LHFPL3: variants seen among roughly 807,000 people sequenced by gnomAD.
LHFPL3 encodes LHFPL tetraspan subfamily member 3 protein.
LHFPL3 carries 5 observed loss-of-function variants against 19.3 expected under a neutral mutation model. The ratio of observed to expected loss-of-function variants is 0.26; its 90% CI spans 0.14 to 0.54. The LOEUF (loss-of-function observed/expected upper bound fraction) is 0.54. Among genes scored for constraint, LHFPL3 ranks in the 20% least tolerant of loss-of-function variants. The pLI, the probability that LHFPL3 is intolerant of heterozygous loss-of-function variation, is 0.94. For missense variants in LHFPL3, 249 were observed against 307.4 expected (o/e 0.81, Z 1.42); for synonymous variants, 133 against 126.2 (o/e 1.05, Z -0.36).
chr7:104,862,756 C>T (rs1271547924), intron 2 of LHFPL3, among the ~76,000 whole-genome samples: 1 of 152,126 alleles, frequency 6.6e-6, no homozygotes, highest in African/African-American at 2.4e-5. Context: ...GAGCTTTATC[C>T]ACACCTCTCC....
intron 1 of LHFPL3, among the ~76,000 whole-genome samples, chr7:104,730,313 T>C (rs1793675985): frequency 6.6e-6 from 1 of 152,226 alleles, no homozygotes; most frequent in Admixed American, 6.5e-5. Flanking sequence ...CCCTGAGGAA[T>C]TGCCACACTG....
chr7:104,586,719 C>T (rs1388444701), intron 1 of LHFPL3, among the ~76,000 whole-genome samples: 1 of 152,132 alleles, frequency 6.6e-6, no homozygotes, highest in East Asian at 1.9e-4. Flanking sequence ...AAGGCAGCCA[C>T]AACAGATGGT....
intron 1 of LHFPL3, among the ~76,000 whole-genome samples, chr7:104,599,597 G>C (rs1331151888): frequency 6.6e-6 from 1 of 152,004 alleles, no homozygotes; most frequent in Non-Finnish European, 1.5e-5. Flanking sequence ...ATATTGCCAG[G>C]GATACACATA....
At position 104,700,331 on chromosome 7, in the gene LHFPL3, G is replaced by A. The variant is rs1793078917; in HGVS notation, c.446-36344G>A. Among the ~76,000 whole-genome samples, 3 of 152,058 alleles carry A rather than the reference G, an allele frequency of 2.0e-5. No individual in the cohort carries two copies. In the South Asian group the frequency reaches 6.2e-4, roughly 32 times the overall value. On this transcript the variant is annotated intron_variant, in intron 1 of 2. Coordinates refer to ENST00000424859, the MANE Select transcript of LHFPL3 (RefSeq NM_199000.3). ...TTCCTTAACGTCTCCACTCACCCAC[G>A]CCCCAAGGTCAAGAGCCAGATTAGT...
chr7:104,543,767 GGGT>G (rs1319345327), intron 1 of LHFPL3, among the ~76,000 whole-genome samples: 1 of 107,964 alleles, frequency 9.3e-6, no homozygotes, highest in Non-Finnish European at 1.8e-5. Context: ...GTCTGTTGTG[GGGT>G]GGGGGGAGGG....
At chr7:104,727,468 T>G (rs1420833955) in intron 1 of LHFPL3, among the ~76,000 whole-genome samples, 1 of 152,212 alleles carries the variant, frequency 6.6e-6, no homozygotes, top group African/African-American at 2.4e-5. Flanking sequence ...GTTTTACATT[T>G]AAGGTGGACC....
chr7:104,780,164 G>A (rs915424946), intron 2 of LHFPL3, among the ~76,000 whole-genome samples: 1 of 152,136 alleles, frequency 6.6e-6, no homozygotes, highest in African/African-American at 2.4e-5. Context: ...CAAGGATAGG[G>A]CCCCACCCCA....
chr7:104,486,879 T>C (rs1052567759), intron 1 of LHFPL3, among the ~76,000 whole-genome samples: 3 of 152,320 alleles, frequency 2.0e-5, no homozygotes, highest in Non-Finnish European at 4.4e-5. Context: ...GCTATAAATA[T>C]GTCTATGAAT....
At chr7:104,477,706 T>A (rs1793050284) in intron 1 of LHFPL3, among the ~76,000 whole-genome samples, 1 of 151,856 alleles carries the variant, frequency 6.6e-6, no homozygotes, top group African/African-American at 2.4e-5. Flanking sequence ...ATGACACAAG[T>A]TTACCTATGT....
At chr7:104,398,776 C>CT (rs1331361765) in intron 1 of LHFPL3, among the ~76,000 whole-genome samples, 1 of 152,162 alleles carries the variant, frequency 6.6e-6, no homozygotes, top group Non-Finnish European at 1.5e-5. Context: ...GTTTTGCACT[C>CT]TCACTCTTCT....
At chr7:104,395,771 C>T (rs1172046125) in intron 1 of LHFPL3, among the ~76,000 whole-genome samples, 1 of 152,176 alleles carries the variant, frequency 6.6e-6, no homozygotes, top group Non-Finnish European at 1.5e-5. Flanking sequence ...CAGGTAATTT[C>T]ATATAAAGGA....
rs17139166 is a variant in LHFPL3 at position 104,613,217 on chromosome 7, T to C, written c.446-123458T>C. Among the ~76,000 whole-genome samples, 624 of 152,328 alleles carry C rather than the reference T, an allele frequency of 4.1e-3. 35 individuals are homozygous for C. In the East Asian group the frequency reaches 0.1, roughly 24 times the overall value. The stretch of plus-strand genomic sequence containing the variant: ...GGTAGCATGTTGCAAAATAACATCC[T>C]GGCCATTTAAAAGGAGTCAGTTCTA... On this transcript the variant is annotated intron_variant, in intron 1 of 2. Coordinates refer to ENST00000424859, the MANE Select transcript of LHFPL3 (RefSeq NM_199000.3).
chr7:104,772,971 A>C (rs1311155206), intron 2 of LHFPL3, among the ~76,000 whole-genome samples: 1 of 152,284 alleles, frequency 6.6e-6, no homozygotes, highest in Non-Finnish European at 1.5e-5. Flanking sequence ...GCTTGCTGAC[A>C]GCAACACAAA....
At chr7:104,420,165 G>C (rs1281163898) in intron 1 of LHFPL3, among the ~76,000 whole-genome samples, 29 of 152,166 alleles carry the variant, frequency 1.9e-4, no homozygotes, top group Non-Finnish European at 4.4e-5. Flanking sequence ...GCACTTTTCT[G>C]GGTCTTCTTC....
rs78775772 is a variant in LHFPL3 at position 104,661,115 on chromosome 7, T to C, written c.446-75560T>C. ...AGGAAGGCTTAGGGATGCAGTGCAG[T>C]GATGGTCCATGACATCTCTGGACCC... On this transcript the variant is annotated intron_variant, in intron 1 of 2. Coordinates refer to ENST00000424859, the MANE Select transcript of LHFPL3 (RefSeq NM_199000.3). Among the ~76,000 whole-genome samples, 787 of 152,296 alleles carry C rather than the reference T, an allele frequency of 5.2e-3. 45 individuals carry two copies. The East Asian group carries it at 0.11, about 22-fold the overall frequency.
chr7:104,563,407 G>A (rs1407303988), intron 1 of LHFPL3, among the ~76,000 whole-genome samples: 20 of 152,338 alleles, frequency 1.3e-4, no homozygotes, highest in South Asian at 4.1e-4. Flanking sequence ...TAAGCCCGTC[G>A]GAAAAGCACA....
intron 1 of LHFPL3, among the ~76,000 whole-genome samples, chr7:104,644,576 A>G (rs560361897): frequency 6.6e-6 from 1 of 152,248 alleles, no homozygotes; most frequent in South Asian, 2.1e-4. Context: ...CAAGCTGAGC[A>G]CTTTATGATG....
At chr7:104,818,848 C>T (rs1162789323) in intron 2 of LHFPL3, among the ~76,000 whole-genome samples, 1 of 151,828 alleles carries the variant, frequency 6.6e-6, no homozygotes, top group East Asian at 1.9e-4. Context: ...CCCAATACAC[C>T]TTTGAGATTT....
intron 1 of LHFPL3, among the ~76,000 whole-genome samples, chr7:104,513,955 G>GGT (rs34270920): frequency 0.056 from 8,505 of 152,196 alleles, 288 homozygotes; most frequent in East Asian, 0.15. Flanking sequence ...TCAAGGTCAA[G>GGT]GTGTGTGTGT....
Sources: allele counts gnomAD v4.1 joint callset (sites outside exome capture counted in the v4.1 genomes callset), GRCh38; gene constraint gnomAD v4.1.1; transcripts MANE v1.5; gene names NCBI Gene and HGNC (gene_info 2026-07-23, HGNC 2026-07-21).